The following PDGFC variants were observed in gnomAD, a reference collection of about 807,000 sequenced individuals.
PDGFC encodes platelet derived growth factor C.
PDGFC carries 12 observed loss-of-function variants against 35.5 expected under a neutral mutation model. The ratio of observed to expected loss-of-function variants is 0.34; its 90% CI spans 0.22 to 0.55. The LOEUF is 0.55. PDGFC is among the 20% of genes least tolerant of loss of function. PDGFC has a pLI of 0.91. For synonymous variants in PDGFC, 159 were observed against 148.8 expected (o/e 1.07, Z -0.50); for missense variants, 322 against 412.4 (o/e 0.78, Z 1.90).
intron 1 of PDGFC, among the ~76,000 whole-genome samples, chr4:156,892,490 C>T (rs1386703341): frequency 6.6e-6 from 1 of 151,282 alleles, no homozygotes; most frequent in Non-Finnish European, 1.5e-5. Context: ...TTTCTTTTAC[C>T]ACAACTCTCA....
At chr4:156,958,923 G>A (rs1006826076) in intron 1 of PDGFC, among the ~76,000 whole-genome samples, 1 of 152,016 alleles carries the variant, frequency 6.6e-6, no homozygotes, top group Non-Finnish European at 1.5e-5. Context: ...TACAAGACTG[G>A]CAGAGTGACA....
chr4:156,811,689 T>C (rs892606521), intron 2 of PDGFC, among the ~76,000 whole-genome samples: 5 of 152,140 alleles, frequency 3.3e-5, no homozygotes, highest in Admixed American at 6.6e-5. Flanking sequence ...CATTTCACTA[T>C]ACACAGTATC....
chr4:156,766,942 G>T (rs1036460866), intron 5 of PDGFC, among the ~76,000 whole-genome samples: 1 of 151,930 alleles, frequency 6.6e-6, no homozygotes, highest in Non-Finnish European at 1.5e-5. Context: ...TTAGATATTT[G>T]TTCTGTATTC....
intron 1 of PDGFC, among the ~76,000 whole-genome samples, chr4:156,883,656 C>T (rs1329877002): frequency 6.6e-6 from 1 of 152,134 alleles, no homozygotes; most frequent in Non-Finnish European, 1.5e-5. Context: ...TGAACTACAG[C>T]AGTCTTAGTG....
At chr4:156,763,462 T>C (rs1036655071) in intron 5 of PDGFC, among the ~76,000 whole-genome samples, 3 of 152,224 alleles carry the variant, frequency 2.0e-5, no homozygotes, top group Admixed American at 2.0e-4. Context: ...GAACAGTACT[T>C]AAATGGAAAG....
intron 1 of PDGFC, among the ~76,000 whole-genome samples, chr4:156,860,132 C>T (rs527296244): frequency 6.6e-6 from 1 of 152,248 alleles, no homozygotes; most frequent in East Asian, 1.9e-4. Context: ...TTATGAGGCT[C>T]ACCAAAATTC....
intron 2 of PDGFC, among the ~76,000 whole-genome samples, chr4:156,827,723 G>A (rs1298540989): frequency 1.3e-5 from 2 of 151,810 alleles, no homozygotes; most frequent in Non-Finnish European, 2.9e-5. Context: ...ACCCACATAC[G>A]TACATACATA....
intron 1 of PDGFC, among the ~76,000 whole-genome samples, chr4:156,928,153 C>T (rs1731461462): frequency 6.6e-6 from 1 of 152,158 alleles, no homozygotes; most frequent in Non-Finnish European, 1.5e-5. Flanking sequence ...GTCCCTCCCA[C>T]AACACGTAGG....
At position 156,762,980 on chromosome 4, in the gene PDGFC, T is replaced by G. The variant is rs924943256; in HGVS notation, c.*110A>C. 1.5e-6 allele frequency: 1 copy of G among 659,754 alleles called. No homozygotes were observed. Among genetic ancestry groups the G allele is most frequent in the African/African-American group, 1.8e-5 (1 of 57,098 alleles). The allele number at this position is 659,754 out of a possible 1,614,324, so 40.9% of individuals were successfully genotyped here. On this transcript the variant is annotated 3_prime_UTR_variant, in exon 6 of 6. Coordinates refer to ENST00000502773, the MANE Select transcript of PDGFC (RefSeq NM_016205.3). Reference sequence around the variant, plus strand: ...CACTGTAAATCCTGAAGATGAAAGGTCCTTGAAGCAAACAACTGAGATTAA... The same window carrying G: ...CACTGTAAATCCTGAAGATGAAAGGGCCTTGAAGCAAACAACTGAGATTAA...
At chr4:156,927,047 C>T (rs1490326003) in intron 1 of PDGFC, among the ~76,000 whole-genome samples, 2 of 152,210 alleles carry the variant, frequency 1.3e-5, no homozygotes, top group Non-Finnish European at 2.9e-5. Context: ...TGCACACATG[C>T]AGGCACAAAA....
At chr4:156,892,567 T>A (rs1730539867) in intron 1 of PDGFC, among the ~76,000 whole-genome samples, 1 of 151,396 alleles carries the variant, frequency 6.6e-6, no homozygotes, top group South Asian at 2.1e-4. Context: ...GAAATGGAAA[T>A]CCAAAAAAAG....
chr4:156,905,118 C>A (rs1479762397), intron 1 of PDGFC, among the ~76,000 whole-genome samples: 1 of 152,014 alleles, frequency 6.6e-6, no homozygotes, highest in Non-Finnish European at 1.5e-5. Context: ...CAAAAATGAT[C>A]AAGAAGCTGG....
chr4:156,939,086 T>C (rs1731747609), intron 1 of PDGFC, among the ~76,000 whole-genome samples: 1 of 151,994 alleles, frequency 6.6e-6, no homozygotes, highest in Non-Finnish European at 1.5e-5. Context: ...AACAATATAA[T>C]GGCTTCTCTC....
At chr4:156,776,005 G>C (rs1392071461) in intron 3 of PDGFC, among the ~76,000 whole-genome samples, 1 of 151,948 alleles carries the variant, frequency 6.6e-6, no homozygotes, top group African/African-American at 2.4e-5. Context: ...TCTCATGACT[G>C]TCCCTCCACC....
Position 156,767,770 on chromosome 4 carries a change from T to C in PDGFC, c.921+3A>G. On this transcript the variant is annotated splice_donor_region_variant and intron_variant, in intron 5 of 5. Transcript: ENST00000502773. Reference sequence around the variant, plus strand: ...GAAACCAAAAAGAAAATTGTATACCTACCTCGTGGTATTTTTTAGTAACTT... The same window carrying C: ...GAAACCAAAAAGAAAATTGTATACCCACCTCGTGGTATTTTTTAGTAACTT... 1 of 1,587,210 alleles carries C rather than the reference T, an allele frequency of 6.3e-7. No homozygotes were observed. Among genetic ancestry groups the C allele is most frequent in the Non-Finnish European group, 8.7e-7 (1 of 1,155,734 alleles).
At chr4:156,871,517 T>C (rs1250877999) in intron 1 of PDGFC, among the ~76,000 whole-genome samples, 1 of 152,130 alleles carries the variant, frequency 6.6e-6, no homozygotes, top group Non-Finnish European at 1.5e-5. Flanking sequence ...AGACCTTATC[T>C]ATTATCAATC....
intron 3 of PDGFC, among the ~76,000 whole-genome samples, chr4:156,787,206 A>G (rs960506706): frequency 2.0e-5 from 3 of 152,116 alleles, no homozygotes; most frequent in African/African-American, 7.2e-5. Context: ...AGAGAGAGAG[A>G]AGGAGGAACC....
chr4:156,886,988 T>A (rs981570849), intron 1 of PDGFC: 34 of 152,338 alleles, frequency 2.2e-4, no homozygotes, highest in African/African-American at 8.2e-4. Flanking sequence ...GCTAGAAGTA[T>A]CTTAACTGAT....
chr4:156,796,629 T>C (rs1731449996), intron 3 of PDGFC, among the ~76,000 whole-genome samples: 1 of 151,980 alleles, frequency 6.6e-6, no homozygotes, highest in South Asian at 2.1e-4. Flanking sequence ...TTCACTATAA[T>C]TTTTCCCATT....
Sources: allele counts gnomAD v4.1 joint callset (sites outside exome capture counted in the v4.1 genomes callset), GRCh38; gene constraint gnomAD v4.1.1; transcripts MANE v1.5; gene names NCBI Gene and HGNC (gene_info 2026-07-23, HGNC 2026-07-21).